EBF1: variants seen among roughly 807,000 people sequenced by gnomAD.
EBF1 encodes EBF transcription factor 1, also known as transcription factor COE1.
A neutral mutation model predicts 68.4 loss-of-function variants in EBF1; 10 were observed. That is an observed-to-expected ratio of 0.15 (90% CI 0.09 to 0.25). The LOEUF (loss-of-function observed/expected upper bound fraction) is 0.25. Among genes scored for constraint, EBF1 ranks in the 10% least tolerant of loss-of-function variants. EBF1 has a pLI of 1.00. For missense variants in EBF1, 509 were observed against 794.4 expected, an observed-to-expected ratio of 0.64 and a Z score of 4.32; for synonymous variants, 298 against 299.8, an observed-to-expected ratio of 0.99 and a Z score of 0.06.
chr5:158,789,616 G>T (rs540396125), intron 9 of EBF1, among the ~76,000 whole-genome samples: 10 of 152,182 alleles, frequency 6.6e-5, no homozygotes, highest in Non-Finnish European at 1.5e-4. Flanking sequence ...CCAGCATTAA[G>T]TAGATAATAT....
At chr5:158,737,061 G>A (rs1191754657) in intron 10 of EBF1, among the ~76,000 whole-genome samples, 2 of 152,066 alleles carry the variant, frequency 1.3e-5, no homozygotes, top group Non-Finnish European at 2.9e-5. Flanking sequence ...GTGAGCTCCT[G>A]CTTTCCCGTG....
chr5:158,913,780 T>C lies in EBF1; in HGVS notation c.555-73670A>G, dbSNP rs186806531. 4.7e-4 allele frequency among the ~76,000 whole-genome samples: 71 copies of C among 152,322 alleles called. 1 individual carries two copies. Among genetic ancestry groups the C allele is most frequent in the Admixed American group, 7.2e-4 (11 of 15,290 alleles). On this transcript the variant is annotated intron_variant, in intron 6 of 15. Coordinates refer to ENST00000313708, the MANE Select transcript of EBF1 (RefSeq NM_024007.5). The stretch of plus-strand genomic sequence containing the variant: ...TGGAGGCTTTTCAATCAATAACATA[T>C]GGCCATGAGAGCGCGAGTATTATAC...
At chr5:159,044,276 C>T (rs910852330) in intron 6 of EBF1, among the ~76,000 whole-genome samples, 1 of 152,164 alleles carries the variant, frequency 6.6e-6, no homozygotes, top group Non-Finnish European at 1.5e-5. Flanking sequence ...GCCCAACCTC[C>T]TATTTATTAA....
At chr5:158,858,892 G>C (rs975588955) in intron 6 of EBF1, among the ~76,000 whole-genome samples, 2 of 152,148 alleles carry the variant, frequency 1.3e-5, no homozygotes, top group African/African-American at 4.8e-5. Flanking sequence ...CAGGGGTGGG[G>C]CCGGGTGAGT....
chr5:158,840,666 T>TG (rs1790105591), intron 6 of EBF1, among the ~76,000 whole-genome samples: 8 of 72,152 alleles, frequency 1.1e-4, no homozygotes, highest in Non-Finnish European at 2.4e-4. Flanking sequence ...TTTTTTTTTT[T>TG]TTTTTTGTTT....
intron 6 of EBF1, among the ~76,000 whole-genome samples, chr5:158,900,702 A>C (rs573127422): frequency 1.3e-5 from 2 of 152,352 alleles, no homozygotes; most frequent in South Asian, 4.1e-4. Flanking sequence ...TATCAACTGC[A>C]ACAGCAACTG....
At chr5:158,941,836 AC>A (rs978143360) in intron 6 of EBF1, among the ~76,000 whole-genome samples, 34 of 152,192 alleles carry the variant, frequency 2.2e-4, no homozygotes, top group African/African-American at 7.2e-4. Flanking sequence ...TGTATCCAGA[AC>A]TGTGGTATCC....
chr5:159,050,633 C>A (rs192255769), intron 6 of EBF1, among the ~76,000 whole-genome samples: 2 of 152,314 alleles, frequency 1.3e-5, no homozygotes, highest in East Asian at 3.9e-4. Flanking sequence ...TGCACACAGG[C>A]CATAAGCATG....
chr5:158,926,401 A>G (rs1469371451), intron 6 of EBF1, among the ~76,000 whole-genome samples: 5 of 152,186 alleles, frequency 3.3e-5, no homozygotes, highest in Non-Finnish European at 7.3e-5. Context: ...TTAGATGTCA[A>G]AATGTTCCAA....
In EBF1 at chr5:158,712,250, T is replaced by C. The variant is rs1305239128; in HGVS notation, c.1453A>G (p.Thr485Ala). 6.2e-7 allele frequency: 1 copy of C among 1,614,080 alleles called. No homozygotes were observed. Among genetic ancestry groups the C allele is most frequent in the Non-Finnish European group, 8.5e-7 (1 of 1,179,978 alleles). Residue 485 changes from threonine to alanine, a missense_variant, in exon 14 of 16, where the codon ACC becomes GCC. Physicochemically the swap from Thr to Ala is moderately conservative, Grantham distance 58 (BLOSUM62 0). Transcript: ENST00000313708. ...TPQQTNYNSV[T>A]TSMNGYGSAA... ...GAGCCGTATCCGTTCATGCTCGTGG[T>C]GACGGAGTTATAGTTGGTCTGCTGG... is the stretch of plus-strand genomic sequence containing the variant.
At chr5:158,860,987 T>C (rs1794872580) in intron 6 of EBF1, among the ~76,000 whole-genome samples, 1 of 152,198 alleles carries the variant, frequency 6.6e-6, no homozygotes, top group Non-Finnish European at 1.5e-5. Flanking sequence ...GTTTTAGCTT[T>C]AGCCTCCCTA....
chr5:158,705,928 T>C (rs17706568), intron 15 of EBF1, among the ~76,000 whole-genome samples: 2 of 152,316 alleles, frequency 1.3e-5, no homozygotes, highest in African/African-American at 4.8e-5. Context: ...GTCAAATCTA[T>C]GTTTAGCAAG....
chr5:159,095,201 A>AC (rs1782369447), intron 4 of EBF1, among the ~76,000 whole-genome samples: 1 of 151,222 alleles, frequency 6.6e-6, no homozygotes, highest in Non-Finnish European at 1.5e-5. Context: ...CGCCTCTGCC[A>AC]CCCCTCCTCC....
intron 6 of EBF1, among the ~76,000 whole-genome samples, chr5:158,962,492 C>T (rs577053298): frequency 6.6e-6 from 1 of 152,162 alleles, no homozygotes; most frequent in Non-Finnish European, 1.5e-5. Context: ...TCTGCACACT[C>T]CCTAGGAAGA....
chr5:159,010,262 T>A (rs1254452083), intron 6 of EBF1, among the ~76,000 whole-genome samples: 2 of 152,204 alleles, frequency 1.3e-5, no homozygotes, highest in Non-Finnish European at 2.9e-5. Flanking sequence ...AGGAATGTAG[T>A]TTGCAGAATT....
intron 6 of EBF1, among the ~76,000 whole-genome samples, chr5:158,883,544 G>A (rs17056323): frequency 0.016 from 2,366 of 152,096 alleles, 57 homozygotes; most frequent in African/African-American, 0.054. Context: ...CACTGTGCTC[G>A]CTTGAGTGCT....
At chr5:158,716,323 C>A (rs192534818) in intron 11 of EBF1, among the ~76,000 whole-genome samples, 1 of 152,026 alleles carries the variant, frequency 6.6e-6, no homozygotes, top group African/African-American at 2.4e-5. Flanking sequence ...GAATAAAACA[C>A]GTGGATCTTG....
intron 6 of EBF1, among the ~76,000 whole-genome samples, chr5:158,969,392 G>A (rs1754848176): frequency 1.3e-5 from 2 of 152,094 alleles, no homozygotes; most frequent in African/African-American, 4.8e-5. Flanking sequence ...AATCCCATGT[G>A]CCTTCCTGGT....
At chr5:159,067,149 A>G (rs1349445797) in intron 6 of EBF1, among the ~76,000 whole-genome samples, 3 of 152,132 alleles carry the variant, frequency 2.0e-5, no homozygotes, top group Non-Finnish European at 4.4e-5. Context: ...ACTTGGAGAG[A>G]GTTTTTCCCC....
Sources: allele counts gnomAD v4.1 joint callset (sites outside exome capture counted in the v4.1 genomes callset), GRCh38; gene constraint gnomAD v4.1.1; transcripts MANE v1.5; gene names NCBI Gene and HGNC (gene_info 2026-07-23, HGNC 2026-07-21).